The following VTCN1 variants were observed in gnomAD, a reference collection of about 807,000 sequenced individuals.
VTCN1 encodes V-set domain-containing T-cell activation inhibitor 1.
In VTCN1, 26 loss-of-function variants were observed where a neutral mutation model predicts 26.5. The observed-to-expected ratio is 0.98, with a 90% confidence interval of 0.72 to 1.36. The LOEUF (loss-of-function observed/expected upper bound fraction) is 1.36. Among genes scored for constraint, VTCN1 ranks in the 40% most tolerant of loss-of-function variants. The pLI is 0.00. For synonymous variants in VTCN1, 116 were observed against 130.7 expected (o/e 0.89, Z 0.77); for missense variants, 298 against 337.7 (o/e 0.88, Z 0.92).
chr1:117,191,397 T>C (rs1341412473), intron 1 of VTCN1, among the ~76,000 whole-genome samples: 1 of 152,244 alleles, frequency 6.6e-6, no homozygotes, highest in Non-Finnish European at 1.5e-5. Flanking sequence ...CCTATGCCTG[T>C]AATCTCAGCA....
chr1:117,203,098 C>A (rs967198412), intron 1 of VTCN1, among the ~76,000 whole-genome samples: 4 of 152,020 alleles, frequency 2.6e-5, no homozygotes, highest in African/African-American at 9.7e-5. Flanking sequence ...CTCAGCAAAT[C>A]CTCTGGTACC....
chr1:117,200,008 A>G (rs1489084269), intron 1 of VTCN1, among the ~76,000 whole-genome samples: 1 of 152,228 alleles, frequency 6.6e-6, no homozygotes, highest in Non-Finnish European at 1.5e-5. Context: ...GAAAAAGCAG[A>G]GCATAAAAGC....
At chr1:117,171,214 TG>T (rs1160089137) in intron 1 of VTCN1, among the ~76,000 whole-genome samples, 2 of 152,242 alleles carry the variant, frequency 1.3e-5, no homozygotes, top group Admixed American at 1.3e-4. Context: ...TAGTATTCTA[TG>T]GTGTATACGT....
rs778623255 is a variant in VTCN1 at position 117,210,883 on chromosome 1, G to T, written c.-28C>A. ...CTGGGGAAGGTTCCCAGCGTATCTGGGTACTGGCTGAGTGGAGCTGCCGCT... is the reference window on the plus strand; with the variant it reads ...CTGGGGAAGGTTCCCAGCGTATCTGTGTACTGGCTGAGTGGAGCTGCCGCT... On this transcript the variant is annotated 5_prime_UTR_variant, in exon 1 of 6. Coordinates refer to ENST00000369458, the MANE Select transcript of VTCN1 (RefSeq NM_024626.4). The T allele has an allele frequency of 3.7e-6, 6 of 1,613,926 alleles. No homozygotes were observed. In the South Asian group the frequency reaches 6.6e-5, roughly 18 times the overall value.
Position 117,155,573 on chromosome 1 carries a change from T to C in VTCN1, c.445+1001A>G, listed in dbSNP as rs1652029759. Reference sequence around the variant, plus strand: ...GCTTTGCCATTGGAAGCTCTTTCAGTTGGCTCCAGTATCCCTTTGACATGA... The same window carrying C: ...GCTTTGCCATTGGAAGCTCTTTCAGCTGGCTCCAGTATCCCTTTGACATGA... On this transcript the variant is annotated intron_variant, in intron 3 of 5. Coordinates refer to ENST00000369458, the MANE Select transcript of VTCN1 (RefSeq NM_024626.4). The surrounding 1 kb of genome is among the most constrained non-coding windows in gnomAD (Gnocchi z 4.8). Among the ~76,000 whole-genome samples, 1 of 152,250 alleles carries C rather than the reference T, an allele frequency of 6.6e-6. No individual in the cohort carries two copies. Among genetic ancestry groups the C allele is most frequent in the East Asian group, 1.9e-4 (1 of 5,200 alleles).
At chr1:117,162,087 T>G (rs1252176386) in intron 2 of VTCN1, among the ~76,000 whole-genome samples, 1 of 152,082 alleles carries the variant, frequency 6.6e-6, no homozygotes, top group Non-Finnish European at 1.5e-5. Flanking sequence ...CTGCTGCAGG[T>G]TCTAGTCATT....
chr1:117,151,449 T>A (rs956874209), intron 4 of VTCN1, among the ~76,000 whole-genome samples: 3 of 152,272 alleles, frequency 2.0e-5, no homozygotes, highest in African/African-American at 7.2e-5. Context: ...ACCCTGCACA[T>A]CACAGACAGC....
intron 1 of VTCN1, among the ~76,000 whole-genome samples, chr1:117,199,913 T>G (rs1648711454): frequency 6.6e-6 from 1 of 152,070 alleles, no homozygotes; most frequent in Non-Finnish European, 1.5e-5. Context: ...GGATTACAGG[T>G]TTGAGCCACC....
intron 2 of VTCN1, among the ~76,000 whole-genome samples, chr1:117,160,540 G>A (rs142459203): frequency 0.012 from 1,840 of 152,250 alleles, 73 homozygotes; most frequent in Admixed American, 0.091. Context: ...TTTCCAGCCT[G>A]GACTTCAAAG....
intron 2 of VTCN1, 46 bp from the exon 3 acceptor site, chr1:117,156,967 C>T (rs370398762): frequency 6.2e-7 from 1 of 1,612,858 alleles, no homozygotes; most frequent in East Asian, 2.2e-5. Context: ...AGCCTTGGAA[C>T]TTCTACAACC....
intron 1 of VTCN1, among the ~76,000 whole-genome samples, chr1:117,196,539 ATAT>A: frequency 6.6e-6 from 1 of 151,850 alleles, no homozygotes; most frequent in South Asian, 2.1e-4. Context: ...CACTAATCCA[ATAT>A]TATTCTTATA....
chr1:117,170,041 C>T (rs1322634831), intron 2 of VTCN1, 66 bp downstream of exon 2: 2 of 1,447,958 alleles, frequency 1.4e-6, no homozygotes, highest in Admixed American at 1.7e-5. Context: ...CATGCTAACG[C>T]ACTGAGTGAT....
At chr1:117,158,458 CT>C (rs1275796075) in intron 2 of VTCN1, among the ~76,000 whole-genome samples, 1 of 152,162 alleles carries the variant, frequency 6.6e-6, no homozygotes, top group East Asian at 1.9e-4. Context: ...GCCCAAGACC[CT>C]TTTGGGCACA....
Position 117,147,573 on chromosome 1 carries a change from C to A in VTCN1, c.*45+40G>T. 6.5e-7 allele frequency: 1 copy of A among 1,541,044 alleles called. No individual in the cohort carries two copies. The highest frequency in any genetic ancestry group is 8.7e-7 in the Non-Finnish European group (1 of 1,143,114). On this transcript the variant is annotated intron_variant, in intron 5 of 5. Transcript: ENST00000369458. This position sits in a 1 kb window ranked among gnomAD's most constrained non-coding sequence, Gnocchi z 4.6. The stretch of plus-strand genomic sequence containing the variant: ...GACTCTCATTAGGAGCACAAGCACC[C>A]ACAGAACCAATATCCCACACTATTT...
rs1252916874 is a variant in VTCN1 at position 117,183,329 on chromosome 1, C to T, written c.33-13158G>A. ...ACCTTACAGACTGCTTCCCTTGGAG[C>T]GTCTAGCACATAGTCTTTAAAATAT... On this transcript the variant is annotated intron_variant, in intron 1 of 5. Coordinates refer to ENST00000369458, the MANE Select transcript of VTCN1 (RefSeq NM_024626.4). The surrounding 1 kb of genome is among the most constrained non-coding windows in gnomAD (Gnocchi z 4.1). Among the ~76,000 whole-genome samples the T allele has an allele frequency of 6.6e-6, 1 of 152,134 alleles. No homozygotes were observed. The highest frequency in any genetic ancestry group is 6.5e-5 in the Admixed American group (1 of 15,276).
At position 117,169,587 on chromosome 1, in the gene VTCN1, C is replaced by T. The variant is rs780531988; in HGVS notation, c.97+520G>A. Among the ~76,000 whole-genome samples, 2 of 152,174 alleles carry T rather than the reference C, an allele frequency of 1.3e-5. No homozygotes were observed. Among genetic ancestry groups the T allele is most frequent in the Non-Finnish European group, 2.9e-5 (2 of 68,028 alleles). On this transcript the variant is annotated intron_variant, in intron 2 of 5. Coordinates refer to ENST00000369458, the MANE Select transcript of VTCN1 (RefSeq NM_024626.4). This position sits in a 1 kb window ranked among gnomAD's most constrained non-coding sequence, Gnocchi z 4.0. ...CTAACTGGTGATGTTGACAGTATCT[C>T]CCCACTCAAAAATGAGGAAACTAGC...
At chr1:117,158,989 A>G (rs1652233049) in intron 2 of VTCN1, among the ~76,000 whole-genome samples, 1 of 152,206 alleles carries the variant, frequency 6.6e-6, no homozygotes, top group Non-Finnish European at 1.5e-5. Flanking sequence ...ATCTGAGACC[A>G]CTTCAGTCTG....
chr1:117,166,043 A>G (rs1652589332), intron 2 of VTCN1, among the ~76,000 whole-genome samples: 1 of 152,128 alleles, frequency 6.6e-6, no homozygotes, highest in South Asian at 2.1e-4. Context: ...TGGCAGTAGT[A>G]GAGTTTTAAA....
chr1:117,161,746 G>C lies in VTCN1; in HGVS notation c.98-4825C>G, dbSNP rs1652379336. Reference sequence around the variant, plus strand: ...TACCACATCTAAACTTTGGGGAAATGTGATCCAATGAAAAGGAAGGCAATA... The same window carrying C: ...TACCACATCTAAACTTTGGGGAAATCTGATCCAATGAAAAGGAAGGCAATA... On this transcript the variant is annotated intron_variant, in intron 2 of 5. Coordinates refer to ENST00000369458, the MANE Select transcript of VTCN1 (RefSeq NM_024626.4). This position sits in a 1 kb window ranked among gnomAD's most constrained non-coding sequence, Gnocchi z 4.3. Among the ~76,000 whole-genome samples the C allele has an allele frequency of 6.6e-6, 1 of 152,216 alleles. No homozygotes were observed. Among genetic ancestry groups the C allele is most frequent in the South Asian group, 2.1e-4 (1 of 4,834 alleles).
Sources: allele counts gnomAD v4.1 joint callset (sites outside exome capture counted in the v4.1 genomes callset), GRCh38; gene constraint gnomAD v4.1.1; non-coding constraint Gnocchi (gnomAD v3.1); transcripts MANE v1.5; gene names NCBI Gene and HGNC (gene_info 2026-07-23, HGNC 2026-07-21).